UCHL5: variants seen among roughly 807,000 people sequenced by gnomAD.
The protein encoded by UCHL5 is ubiquitin C-terminal hydrolase L5.
In UCHL5, 34 loss-of-function variants were observed where a neutral mutation model predicts 53.8. The observed-to-expected ratio is 0.63, with a 90% CI of 0.48 to 0.84. The LOEUF (loss-of-function observed/expected upper bound fraction) is 0.84, where lower values mean the gene tolerates loss of function less well. Ranked by LOEUF, UCHL5 falls within the 40% of genes least tolerant of loss-of-function variation. UCHL5 has a pLI of 0.00. For synonymous variants in UCHL5, 111 were observed against 126.3 expected (o/e 0.88, Z 0.81); for missense variants, 290 against 385.6 (o/e 0.75, Z 2.08).
chr1:193,025,830 C>G (rs2102390844), intron 7 of UCHL5, among the ~76,000 whole-genome samples: 1 of 152,058 alleles, frequency 6.6e-6, no homozygotes, highest in Admixed American at 6.5e-5. Flanking sequence ...GGCAGAGGAA[C>G]TATAGTAGTT....
chr1:193,040,346 T>C (rs1043648478), intron 3 of UCHL5, among the ~76,000 whole-genome samples: 13 of 152,128 alleles, frequency 8.5e-5, no homozygotes, highest in South Asian at 2.1e-4. Context: ...AAGATCTGAA[T>C]AGACATTTCT....
At chr1:193,023,497 G>A (rs1455404082) in intron 8 of UCHL5, among the ~76,000 whole-genome samples, 2 of 152,144 alleles carry the variant, frequency 1.3e-5, no homozygotes, top group Non-Finnish European at 2.9e-5. Flanking sequence ...TGAAGTCACA[G>A]AAAATAGTTA....
chr1:193,034,333 G>A (rs1393558981), intron 3 of UCHL5, among the ~76,000 whole-genome samples: 1 of 151,848 alleles, frequency 6.6e-6, no homozygotes, highest in African/African-American at 2.4e-5. Context: ...CGTATGAAAT[G>A]ATTTTGAAAA....
At chr1:193,038,732 A>G (rs1331847540) in intron 3 of UCHL5, among the ~76,000 whole-genome samples, 4 of 152,182 alleles carry the variant, frequency 2.6e-5, no homozygotes, top group Admixed American at 2.6e-4. Context: ...ACAGTAGCTC[A>G]CACCTGTAAT....
At position 193,022,868 on chromosome 1, in the gene UCHL5, T is replaced by C. The variant is rs571523014; in HGVS notation, c.843+58A>G. 13 of 1,222,364 alleles carry C rather than the reference T, an allele frequency of 1.1e-5. No homozygotes were observed. The East Asian group carries it at 3.0e-4, about 29-fold the overall frequency. 75.7% of individuals were successfully genotyped at this position (1,222,364 alleles called of 1,614,324 possible). ...CCATCAGATATTCAATGTACCTTCA[T>C]CTTGAAATATACTGCTCTATATTAA... On this transcript the variant is annotated intron_variant, in intron 9 of 10. Transcript: ENST00000367454.
chr1:193,023,946 C>T lies in UCHL5; in HGVS notation c.630G>A (p.Lys210=). ...TAAATCGAATTTCACCTTCACTGTA[C>T]CTAGAAGAAAATTATTTAAGTTTAT... ...VRPVIEKRIQ[K]YSEGEIRFNL... The change falls in exon 8 of 11, where the codon AAG becomes AAA. Residue 210 remains lysine (K), a splice_region_variant and synonymous_variant. Transcript: ENST00000367454. 1 of 1,586,394 alleles carries T rather than the reference C, an allele frequency of 6.3e-7. No individual in the cohort carries two copies. The highest frequency in any genetic ancestry group is 8.6e-7 in the Non-Finnish European group (1 of 1,161,490).
At chr1:193,021,277 A>G in intron 9 of UCHL5, 82 bp from the exon 10 acceptor site, 1 of 876,252 alleles carries the variant, frequency 1.1e-6, no homozygotes, top group Middle Eastern at 3.4e-4. Flanking sequence ...TCAAAATAGA[A>G]ATGGTATATC....
chr1:193,026,775 G>T (rs1052537825), intron 7 of UCHL5, among the ~76,000 whole-genome samples: 4 of 151,076 alleles, frequency 2.6e-5, no homozygotes, highest in Admixed American at 6.6e-5. Flanking sequence ...ATGAAAACTT[G>T]CAGTCACAAA....
At chr1:193,026,553 A>C (rs1437957906) in intron 7 of UCHL5, among the ~76,000 whole-genome samples, 1 of 152,338 alleles carries the variant, frequency 6.6e-6, no homozygotes, top group African/African-American at 2.4e-5. Flanking sequence ...AAGTATCACT[A>C]TACATCTATT....
At chr1:193,059,435 A>G (rs566136646), upstream of UCHL5, 46 of 1,610,530 alleles carry the variant, frequency 2.9e-5, no homozygotes, top group African/African-American at 4.4e-4. This position sits in a 1 kb window ranked among gnomAD's most constrained non-coding sequence, Gnocchi z 4.9. Context: ...TGAGCGCGGG[A>G]GGACGCTCTA....
At chr1:193,018,909 G>C (rs1285227682) in intron 10 of UCHL5, 1 of 1,006,676 alleles carries the variant, frequency 9.9e-7, no homozygotes, top group Non-Finnish European at 1.4e-6. Flanking sequence ...TTACCATTAA[G>C]TAATTAACTA....
At chr1:193,058,498 A>G (rs1671536154) in intron 1 of UCHL5, among the ~76,000 whole-genome samples, 1 of 152,252 alleles carries the variant, frequency 6.6e-6, no homozygotes, top group South Asian at 2.1e-4. Flanking sequence ...ATTATTTAGG[A>G]CGAAAGGCAC....
Position 193,059,141 on chromosome 1 carries a change from T to A in UCHL5, c.76+44A>T. On this transcript the variant is annotated intron_variant, in intron 1 of 10. Transcript: ENST00000367454. The surrounding 1 kb of genome is among the most constrained non-coding windows in gnomAD (Gnocchi z 4.9). ...AACCACTCCATGCCCAGCTTGGGCCTCCTCCCGTGACCCCAGGCCCAGGAC... is the reference window on the plus strand; with the variant it reads ...AACCACTCCATGCCCAGCTTGGGCCACCTCCCGTGACCCCAGGCCCAGGAC... 2 of 1,495,072 alleles carry A rather than the reference T, an allele frequency of 1.3e-6. No homozygotes were observed. Among genetic ancestry groups the A allele is most frequent in the South Asian group, 2.6e-5 (2 of 75,624 alleles). 92.6% of individuals were successfully genotyped at this position (1,495,072 alleles called of 1,614,324 possible).
At chr1:193,023,777 A>T in intron 8 of UCHL5, 67 bp downstream of exon 8, 1 of 1,186,720 alleles carries the variant, frequency 8.4e-7, no homozygotes, top group Non-Finnish European at 1.2e-6. Context: ...ATATATATTT[A>T]AAGTAAATAC....
chr1:193,022,489 G>A lies in UCHL5; in HGVS notation c.843+437C>T, dbSNP rs558001437. Among the ~76,000 whole-genome samples, 6 of 151,970 alleles carry A rather than the reference G, an allele frequency of 3.9e-5. No homozygotes were observed. The South Asian group carries it at 1.2e-3, about 32-fold the overall frequency. ...AGCATGGCCAACATGGCAAAACCCT[G>A]TCTCTACTAAAAACACAAAAAATTA... On this transcript the variant is annotated intron_variant, in intron 9 of 10. Transcript: ENST00000367454.
chr1:193,055,621 A>C (rs534245691), intron 1 of UCHL5, among the ~76,000 whole-genome samples: 15 of 152,370 alleles, frequency 9.8e-5, no homozygotes, highest in African/African-American at 3.4e-4. Flanking sequence ...GATTTTGTCA[A>C]ATGCCTTTTG....
At chr1:193,025,715 T>C (rs554059372) in intron 7 of UCHL5, among the ~76,000 whole-genome samples, 2 of 152,092 alleles carry the variant, frequency 1.3e-5, no homozygotes, top group Non-Finnish European at 2.9e-5. Context: ...ATTTACCCTG[T>C]CAGAGCCATG....
At chr1:193,024,269 C>T (rs963780025) in intron 7 of UCHL5, among the ~76,000 whole-genome samples, 1 of 151,406 alleles carries the variant, frequency 6.6e-6, no homozygotes, top group East Asian at 1.9e-4. Flanking sequence ...AAAAAGCTTT[C>T]ATATAGGAAA....
chr1:193,056,453 G>T (rs1670650551), intron 1 of UCHL5, among the ~76,000 whole-genome samples: 2 of 152,022 alleles, frequency 1.3e-5, no homozygotes, highest in African/African-American at 2.4e-5. Flanking sequence ...CTGGTTTGTT[G>T]TAAGAAAAAT....
Sources: gnomAD v4.1 joint callset for allele counts (sites outside exome capture counted in the v4.1 genomes callset) on GRCh38, gnomAD v4.1.1 for gene constraint, Gnocchi (gnomAD v3.1) non-coding constraint, MANE v1.5 for transcripts, NCBI Gene and HGNC (gene_info 2026-07-23, HGNC 2026-07-21) for gene names.